The following SIX5 variants were observed in gnomAD, a reference collection of about 807,000 sequenced individuals.
The protein encoded by SIX5 is homeobox protein SIX5.
SIX5 carries 21 observed loss-of-function variants against 37.1 expected under a neutral mutation model. The observed-to-expected ratio is 0.57, with a 90% CI of 0.40 to 0.81. The LOEUF (loss-of-function observed/expected upper bound fraction) is 0.81, where lower values mean the gene tolerates loss of function less well. SIX5 is among the 40% of genes least tolerant of loss of function. The probability of loss-of-function intolerance (pLI) is 0.00; values close to 1 mark genes in which losing one functional copy is unlikely to be tolerated. For synonymous variants in SIX5, 626 were observed against 505.9 expected, an observed-to-expected ratio of 1.24 and a Z score of -3.19; for missense variants, 1,137 against 1,025.1, an observed-to-expected ratio of 1.11 and a Z score of -1.49.
At position 45,765,625 on chromosome 19, in the gene SIX5, G is replaced by C. The variant is rs1375477111; in HGVS notation, c.2096C>G (p.Pro699Arg). The change falls in exon 3 of 3, where the codon CCC (proline) becomes CGC (arginine). Residue 699 changes from proline to arginine, a missense_variant. Physicochemically the swap from Pro to Arg is moderately radical, Grantham distance 103. Transcript: ENST00000317578. Reference sequence around the variant, plus strand: ...CCCCAGGAGCAGCCCCTCAGGGTCGGGGTCTGGCAGCCTCAGCACGGTGTG... The same window carrying C: ...CCCCAGGAGCAGCCCCTCAGGGTCGCGGTCTGGCAGCCTCAGCACGGTGTG... ...APHTVLRLPD[P>R]DPEGLLLGAT... is the part of the protein sequence containing the mutation. The C allele has an allele frequency of 6.2e-7, 1 of 1,612,724 alleles. No homozygotes were observed. The highest frequency in any genetic ancestry group is 1.7e-5 in the Admixed American group (1 of 60,012).
At position 45,765,802 on chromosome 19, in the gene SIX5, G is replaced by A; in HGVS notation, c.1919C>T (p.Ser640Phe). The A allele has an allele frequency of 6.2e-7, 1 of 1,604,530 alleles. No homozygotes were observed. Among genetic ancestry groups the A allele is most frequent in the Non-Finnish European group, 8.5e-7 (1 of 1,179,838 alleles). Residue 640 changes from serine (S) to phenylalanine (F), a missense_variant, in exon 3 of 3, where the codon TCC (serine) becomes TTC (phenylalanine). Ser to Phe is a radical substitution (Grantham distance 155, BLOSUM62 -2). Transcript: ENST00000317578. The part of the protein sequence containing the change: ...SSTSLPFSPD[S>F]PGLLPNFPAP... ...CGGGAAGTTGGGCAGGAGGCCAGGGGAGTCAGGGGAGAAGGGCAGGCTGGT... is the reference window on the plus strand; with the variant it reads ...CGGGAAGTTGGGCAGGAGGCCAGGGAAGTCAGGGGAGAAGGGCAGGCTGGT...
rs1969046234 is a variant in SIX5 at position 45,765,331 on chromosome 19, G to A, written c.*170C>T. ...AAGGGGGATGGAGACCTGGACAGGAGGTGGCCGGGGATACAACCCCCAGCA... is the reference window on the plus strand; with the variant it reads ...AAGGGGGATGGAGACCTGGACAGGAAGTGGCCGGGGATACAACCCCCAGCA... On this transcript the variant is annotated 3_prime_UTR_variant, in exon 3 of 3. Transcript: ENST00000317578. 1.0e-5 allele frequency: 9 copies of A among 889,450 alleles called. No individual in the cohort carries two copies. The highest frequency in any genetic ancestry group is 4.2e-5 in the South Asian group (3 of 71,206). 55.1% of individuals were successfully genotyped at this position (889,450 alleles called of 1,614,324 possible).
chr19:45,769,143 T>G lies in SIX5; in HGVS notation c.-299A>C. 2.3e-6 allele frequency: 1 copy of G among 437,798 alleles called. No homozygotes were observed. The highest frequency in any genetic ancestry group is 4.1e-6 in the Non-Finnish European group (1 of 241,806). 27.1% of individuals were successfully genotyped at this position (437,798 alleles called of 1,614,324 possible). A position where few individuals can be genotyped will look rare whatever the true frequency, so the allele number is the denominator to read the frequency against. ...GTGCTTCTGGCTCAGGGCCTCAGTT[T>G]CCCCATCGGGACAACGCAGAAGGTA... is the stretch of plus-strand genomic sequence containing the variant. On this transcript the variant is annotated 5_prime_UTR_variant, in exon 1 of 3. Coordinates refer to ENST00000317578, the MANE Select transcript of SIX5 (RefSeq NM_175875.5).
At chr19:45,766,181 C>T (rs978060275) in intron 2 of SIX5, 70 bp from the exon 3 acceptor site, 32 of 1,557,994 alleles carry the variant, frequency 2.1e-5, no homozygotes, top group Non-Finnish European at 2.4e-5. Flanking sequence ...GAAGTGGAGA[C>T]TGTGCAGCTG....
rs1463436866 is a variant in SIX5, at chr19:45,766,514, G to A, written c.1445C>T (p.Ser482Leu). 6.6e-7 allele frequency: 1 copy of A among 1,506,700 alleles called. No individual in the cohort carries two copies. Among genetic ancestry groups the A allele is most frequent in the Non-Finnish European group, 8.9e-7 (1 of 1,120,878 alleles). 93.3% of individuals were successfully genotyped at this position (1,506,700 alleles called of 1,614,324 possible). A position where few individuals can be genotyped will look rare whatever the true frequency, so the allele number is the denominator to read the frequency against. The part of the protein sequence containing the change: ...LLNLPQVVPT[S>L]QVVTLPQAVG... ...AGCCTGGGGCAGGGTCACCACCTGT[G>A]AGGTGGGTACTACCTGGGGCAGGTT... The change falls in exon 2 of 3, where the codon TCA becomes TTA. Residue 482 changes from serine to leucine, a missense_variant. Ser to Leu is a moderately radical substitution (Grantham distance 145). Coordinates refer to ENST00000317578, the MANE Select transcript of SIX5 (RefSeq NM_175875.5).
rs776152055 is a variant in SIX5 at position 45,766,343 on chromosome 19, G to A, written c.1609+7C>T. 6.3e-6 allele frequency: 10 copies of A among 1,575,656 alleles called. No individual in the cohort carries two copies. The highest frequency in any genetic ancestry group is 6.9e-6 in the Non-Finnish European group (8 of 1,161,988). ...CACCTAGGCCTGAGGGAGGGAGATG[G>A]GGGTACCTGGGGCAGTGGCCGAAGG... On this transcript the variant is annotated splice_region_variant and intron_variant, in intron 2 of 2. Transcript: ENST00000317578.
Position 45,766,136 on chromosome 19 carries a change from C to T in SIX5, c.1610-25G>A, listed in dbSNP as rs370479055. The stretch of plus-strand genomic sequence containing the variant: ...CCTGTGGGGAGAGAGGGACCGAGCG[C>T]AGGTGAGAGCCAGGAGAGCAGGCCA... On this transcript the variant is annotated intron_variant, in intron 2 of 2. Coordinates refer to ENST00000317578, the MANE Select transcript of SIX5 (RefSeq NM_175875.5). The T allele has an allele frequency of 2.8e-4, 455 of 1,604,568 alleles. 1 individual carries two copies. The highest frequency in any genetic ancestry group is 3.7e-4 in the Non-Finnish European group (439 of 1,175,946).
Position 45,768,016 on chromosome 19 carries a change from G to A in SIX5, c.803+26C>T, listed in dbSNP as rs1284379257. 4 of 1,589,698 alleles carry A rather than the reference G, an allele frequency of 2.5e-6. No individual in the cohort carries two copies. The South Asian group carries it at 4.4e-5, about 18-fold the overall frequency. On this transcript the variant is annotated intron_variant, in intron 1 of 2. Transcript: ENST00000317578. ...GGACGGGATGTCCCCGGGAGAGCTG[G>A]ACTTGCGCCGCCCGAGGCCCCTCAC...
chr19:45,765,772 G>T lies in SIX5; in HGVS notation c.1949C>A (p.Pro650His). The T allele has an allele frequency of 6.2e-7, 1 of 1,609,000 alleles. No homozygotes were observed. Reference protein sequence around the residue: ...SPGLLPNFPAPPPEGLMLSPA... With the variant: ...SPGLLPNFPAHPPEGLMLSPA... ...TGACAACATCAGCCCCTCTGGTGGG[G>T]GCGCCGGGAAGTTGGGCAGGAGGCC... Residue 650 changes from proline (P) to histidine (H), a missense_variant, in exon 3 of 3, where the codon CCC becomes CAC. Physicochemically the swap from Pro to His is moderately conservative, Grantham distance 77. This residue lies in a region of SIX5 where 787 missense variants were observed against 621.4 expected (regional missense o/e 1.27). Coordinates refer to ENST00000317578, the MANE Select transcript of SIX5 (RefSeq NM_175875.5).
chr19:45,769,175 C>A lies in SIX5; in HGVS notation c.-331G>T. 3.1e-6 allele frequency: 1 copy of A among 320,454 alleles called. No individual in the cohort carries two copies. Among genetic ancestry groups the A allele is most frequent in the Non-Finnish European group, 5.8e-6 (1 of 172,522 alleles). 19.9% of individuals were successfully genotyped at this position (320,454 alleles called of 1,614,324 possible). On this transcript the variant is annotated 5_prime_UTR_variant, in exon 1 of 3. Transcript: ENST00000317578. ...CGGGACAACGCAGAAGGTAACGGGC[C>A]GTCCAGGAGGACTAAGGGCGCGAAG...
In SIX5 at chr19:45,768,206, G is replaced by A. The variant is rs1969124588; in HGVS notation, c.639C>T (p.Arg213=). The change falls in exon 1 of 3, where the codon CGC becomes CGT. Residue 213 remains arginine (R), a synonymous_variant. Transcript: ENST00000317578. The part of the protein sequence containing the change: ...ETVYCFKERS[R]AALKACYRGN... ...CGCGGTAGCAGGCCTTGAGCGCTGC[G>A]CGGGAGCGCTCCTTGAAGCAGTAGA... The A allele has an allele frequency of 1.2e-6, 2 of 1,613,076 alleles. No homozygotes were observed. Among genetic ancestry groups the A allele is most frequent in the African/African-American group, 1.3e-5 (1 of 74,934 alleles).
chr19:45,765,495 A>C lies in SIX5; in HGVS notation c.*6T>G. On this transcript the variant is annotated 3_prime_UTR_variant, in exon 3 of 3. Coordinates refer to ENST00000317578, the MANE Select transcript of SIX5 (RefSeq NM_175875.5). ...ATGTCGGGAGAGGCCACGGGGCCAC[A>C]CTGGGTCACAGTTCCAAGGGCTCCT... 2 of 1,613,276 alleles carry C rather than the reference A, an allele frequency of 1.2e-6. No individual in the cohort carries two copies. Among genetic ancestry groups the C allele is most frequent in the Non-Finnish European group, 1.7e-6 (2 of 1,180,004 alleles).
intron 1 of SIX5, chr19:45,767,809 G>T (rs970586807): frequency 1.6e-5 from 9 of 579,450 alleles, no homozygotes; most frequent in Non-Finnish European, 2.1e-5. Flanking sequence ...TTGGGAAGGA[G>T]CTCGGAATGG....
rs914094981 is a variant in SIX5 at position 45,765,407 on chromosome 19, T to A, written c.*94A>T. 6.4e-7 allele frequency: 1 copy of A among 1,571,374 alleles called. No individual in the cohort carries two copies. The highest frequency in any genetic ancestry group is 8.7e-7 in the Non-Finnish European group (1 of 1,147,288). On this transcript the variant is annotated 3_prime_UTR_variant, in exon 3 of 3. Coordinates refer to ENST00000317578, the MANE Select transcript of SIX5 (RefSeq NM_175875.5). ...AGGCAGAAGGATGTGGTGACTGGGG[T>A]CTTCAGCAACCGCATTTCTGGGGCT... is the stretch of plus-strand genomic sequence containing the variant.
Position 45,769,034 on chromosome 19 carries a change from G to T in SIX5, c.-190C>A. Reference sequence around the variant, plus strand: ...CACTCGGGTCTCTGTCCCCTTGTGTGTGTCCGTCCCCCTCCCGTCTGTCTG... The same window carrying T: ...CACTCGGGTCTCTGTCCCCTTGTGTTTGTCCGTCCCCCTCCCGTCTGTCTG... On this transcript the variant is annotated 5_prime_UTR_variant, in exon 1 of 3. Transcript: ENST00000317578. The T allele has an allele frequency of 1.8e-6, 1 of 559,776 alleles. No homozygotes were observed. Among genetic ancestry groups the T allele is most frequent in the Admixed American group, 3.0e-5 (1 of 33,648 alleles). The allele number at this position is 559,776 out of a possible 1,614,324, so 34.7% of individuals were successfully genotyped here. A position where few individuals can be genotyped will look rare whatever the true frequency, so the allele number is the denominator to read the frequency against.
At chr19:45,766,171 G>A in intron 2 of SIX5, 60 bp from the exon 3 acceptor site, 2 of 1,576,452 alleles carry the variant, frequency 1.3e-6, no homozygotes, top group Non-Finnish European at 8.6e-7. Context: ...AAGCCAGAGA[G>A]AAGTGGAGAC....
rs1969082125 is a variant in SIX5 at position 45,766,675 on chromosome 19, C to G, written c.1284G>C (p.Val428=). The change falls in exon 2 of 3, where the codon GTG becomes GTC. Residue 428 remains valine, a synonymous_variant. Transcript: ENST00000317578. ...GEEVLGPLAQ[V]VPGPPTAATF... Reference sequence around the variant, plus strand: ...TGGCAGCCGTCGGGGGGCCAGGCACCACTTGGGCCAGGGGCCCCAGGACCT... The same window carrying G: ...TGGCAGCCGTCGGGGGGCCAGGCACGACTTGGGCCAGGGGCCCCAGGACCT... 1 of 1,502,302 alleles carries G rather than the reference C, an allele frequency of 6.7e-7. No homozygotes were observed. Among genetic ancestry groups the G allele is most frequent in the African/African-American group, 1.4e-5 (1 of 71,216 alleles). The allele number at this position is 1,502,302 out of a possible 1,614,324, so 93.1% of individuals were successfully genotyped here.
At chr19:45,766,306 CT>C (rs1969072403) in intron 2 of SIX5, 43 bp downstream of exon 2, 1 of 1,531,306 alleles carries the variant, frequency 6.5e-7, no homozygotes, top group Non-Finnish European at 8.8e-7. Flanking sequence ...GACTGCACCC[CT>C]CCCCGGCTCT....
intron 1 of SIX5, 173 bp downstream of exon 1, chr19:45,767,869 T>A: frequency 1.5e-6 from 1 of 662,408 alleles, no homozygotes; most frequent in Non-Finnish European, 2.5e-6. Flanking sequence ...GGCGGGTGCC[T>A]GTCCCGTCCA....
Sources: gnomAD v4.1 joint callset for allele counts on GRCh38, gnomAD v4.1.1 for gene constraint, gnomAD v4.1.1 regional missense constraint, MANE v1.5 for transcripts, NCBI Gene and HGNC (gene_info 2026-07-23, HGNC 2026-07-21) for gene names.